The following ACSL5 variants were observed in gnomAD, a reference collection of about 807,000 sequenced individuals.
The protein encoded by ACSL5 is acyl-CoA synthetase long chain family member 5.
Under a neutral mutation model 84.9 loss-of-function variants are expected in ACSL5, and 50 were observed. That is an observed-to-expected ratio of 0.59 (90% CI 0.47 to 0.75). The LOEUF is 0.75. Among genes scored for constraint, ACSL5 ranks in the 30% least tolerant of loss-of-function variants. The pLI, the probability that ACSL5 is intolerant of heterozygous loss-of-function variation, is 0.00. For synonymous variants in ACSL5, 280 were observed against 300.7 expected, an observed-to-expected ratio of 0.93 and a Z score of 0.71; for missense variants, 775 against 830.4, an observed-to-expected ratio of 0.93 and a Z score of 0.82.
At chr10:112,403,692 G>C (rs1051595958) in intron 3 of ACSL5, among the ~76,000 whole-genome samples, 1 of 152,156 alleles carries the variant, frequency 6.6e-6, no homozygotes, top group African/African-American at 2.4e-5. Context: ...TAAGCAGTGT[G>C]GTCTAGGTAT....
intron 6 of ACSL5, 131 bp from the exon 7 acceptor site, chr10:112,409,376 C>G: frequency 2.9e-6 from 2 of 700,384 alleles, no homozygotes; most frequent in Non-Finnish European, 4.8e-6. Flanking sequence ...CATTATAAAT[C>G]TGATTTGCAG....
rs1165869388 is a variant in ACSL5 at position 112,422,376 on chromosome 10, A to G, written c.1528A>G (p.Lys510Glu). The G allele has an allele frequency of 6.2e-7, 1 of 1,614,078 alleles. No individual in the cohort carries two copies. Among genetic ancestry groups the G allele is most frequent in the East Asian group, 2.2e-5 (1 of 44,898 alleles). The stretch of plus-strand genomic sequence containing the variant: ...CAAAGGATACCTGAAGGACCCTGAG[A>G]AGACACAGGAAGCCCTGGACAGTGA... ...VFKGYLKDPE[K>E]TQEALDSDGW... Residue 510 changes from lysine (K) to glutamate (E), a missense_variant, in exon 17 of 21, where the codon AAG becomes GAG. Transcript: ENST00000354655.
intron 1 of ACSL5, among the ~76,000 whole-genome samples, chr10:112,390,772 C>T (rs1306031108): frequency 1.3e-5 from 2 of 152,102 alleles, no homozygotes; most frequent in Non-Finnish European, 2.9e-5. Flanking sequence ...ACTACCCCAT[C>T]AATGAATCTT....
intron 13 of ACSL5, among the ~76,000 whole-genome samples, chr10:112,417,603 A>G (rs1705497595): frequency 1.3e-5 from 2 of 152,220 alleles, no homozygotes. Context: ...GAAGAATACA[A>G]ATTATTTGAG....
chr10:112,412,108 G>T, intron 11 of ACSL5, 129 bp downstream of exon 11: 1 of 938,320 alleles, frequency 1.1e-6, no homozygotes, highest in African/African-American at 1.6e-5. Flanking sequence ...GCAAGGAGTT[G>T]GCTCATGGGA....
intron 1 of ACSL5, among the ~76,000 whole-genome samples, chr10:112,379,656 C>T (rs1182388882): frequency 1.3e-5 from 2 of 152,100 alleles, no homozygotes; most frequent in African/African-American, 2.4e-5. Flanking sequence ...CTTTAAGTAG[C>T]GATTTTCACC....
At chr10:112,390,572 C>T (rs180829101) in intron 1 of ACSL5, among the ~76,000 whole-genome samples, 3 of 152,202 alleles carry the variant, frequency 2.0e-5, no homozygotes, top group Non-Finnish European at 2.9e-5. Context: ...CAAACAAAAA[C>T]TGTATAGAAA....
At position 112,413,297 on chromosome 10, in the gene ACSL5, T is replaced by G; in HGVS notation, c.1073T>G (p.Ile358Ser). ...FPAVPRLLNRIYDKVQNEAKT... is the reference protein window; with the variant it reads ...FPAVPRLLNRSYDKVQNEAKT... Reference sequence around the variant, plus strand: ...GCGGTGCCTCGACTCCTTAACAGGATCTACGATAAGGTACTAACTTTCAGC... The same window carrying G: ...GCGGTGCCTCGACTCCTTAACAGGAGCTACGATAAGGTACTAACTTTCAGC... Residue 358 changes from isoleucine to serine, a missense_variant, in exon 12 of 21, where the codon ATC becomes AGC. By Grantham distance (142) the Ile-to-Ser change is moderately radical. Transcript: ENST00000354655. The G allele has an allele frequency of 1.9e-6, 3 of 1,614,096 alleles. No individual in the cohort carries two copies. The South Asian group carries it at 3.3e-5, about 18-fold the overall frequency.
chr10:112,412,644 G>A (rs1844208578), intron 11 of ACSL5: 1 of 152,732 alleles, frequency 6.5e-6, no homozygotes, highest in African/African-American at 2.4e-5. Flanking sequence ...GCTCATGGTT[G>A]ATGCCTAAAA....
chr10:112,409,436 T>C, intron 6 of ACSL5, 71 bp from the exon 7 acceptor site: 3 of 1,467,668 alleles, frequency 2.0e-6, no homozygotes, highest in Non-Finnish European at 1.9e-6. Flanking sequence ...TTAAAACCTC[T>C]TCCTTCTTGC....
chr10:112,413,172 G>A lies in ACSL5; in HGVS notation c.949-1G>A, dbSNP rs1844225047. The A allele has an allele frequency of 6.2e-7, 1 of 1,613,842 alleles. No individual in the cohort carries two copies. Among genetic ancestry groups the A allele is most frequent in the Admixed American group, 1.7e-5 (1 of 59,984 alleles). On this transcript the variant is annotated splice_acceptor_variant, in intron 11 of 20. Transcript: ENST00000354655. LOFTEE classifies it high-confidence loss of function. ...GCTCTATAATTTGGTTTTGTTTTCAGGCTGTTGTGTACAGCTGTGGAGCCA... is the reference window on the plus strand; with the variant it reads ...GCTCTATAATTTGGTTTTGTTTTCAAGCTGTTGTGTACAGCTGTGGAGCCA...
At chr10:112,376,508 G>C (rs1002145785) in intron 1 of ACSL5, 4 of 1,601,658 alleles carry the variant, frequency 2.5e-6, no homozygotes, top group Admixed American at 3.4e-5. Flanking sequence ...GTGTGACAGA[G>C]GCCAAGGGGG....
rs192147337 is a variant in ACSL5, at chr10:112,392,670, G to A, written c.-29-2248G>A. 6.0e-3 allele frequency among the ~76,000 whole-genome samples: 906 copies of A among 151,972 alleles called. 6 individuals are homozygous for A. The highest frequency in any genetic ancestry group is 0.021 in the African/African-American group (877 of 41,426). ...GCAGGAGAATGGCGTGAACCCGGGA[G>A]GTGGAGCTTGCAGTGAGTCGAGATT... On this transcript the variant is annotated intron_variant, in intron 1 of 20. Transcript: ENST00000354655.
intron 1 of ACSL5, among the ~76,000 whole-genome samples, chr10:112,391,368 C>CAAA (rs35383388): frequency 4.1e-5 from 6 of 146,408 alleles, no homozygotes; most frequent in Non-Finnish European, 7.5e-5. Context: ...GACTGTGCCT[C>CAAA]AAAAAAAAAA....
chr10:112,383,004 C>A (rs536248129), intron 1 of ACSL5, among the ~76,000 whole-genome samples: 3 of 152,206 alleles, frequency 2.0e-5, no homozygotes, highest in Admixed American at 2.0e-4. Context: ...TGCCATGGCT[C>A]ATGCCTGTAA....
intron 11 of ACSL5, 116 bp downstream of exon 11, chr10:112,412,095 C>A: frequency 1.8e-6 from 2 of 1,107,442 alleles, no homozygotes; most frequent in South Asian, 1.3e-5. Context: ...GTGAGAGGTG[C>A]AGGCAAGGAG....
chr10:112,424,310 T>A (rs1012520399), intron 17 of ACSL5: 1 of 152,278 alleles, frequency 6.6e-6, no homozygotes, highest in African/African-American at 2.4e-5. Context: ...GTCTTAACTA[T>A]GTGCTGGGGA....
In ACSL5 at chr10:112,394,849, CAT is replaced by C. The variant is rs773350519; in HGVS notation, c.-29-67_-29-66del. 2.7e-3 allele frequency: 4,243 copies of C among 1,573,326 alleles called. 8 individuals are homozygous for C. Among genetic ancestry groups the C allele is most frequent in the South Asian group, 5.0e-3 (442 of 87,536 alleles). ...GTGTGTGTGTGTGTCCTTCTGAAAA[CAT>C]AGAGCTATTGAGTACAAAAATATGG... On this transcript the variant is annotated intron_variant, in intron 1 of 20. Transcript: ENST00000354655.
intron 3 of ACSL5, among the ~76,000 whole-genome samples, chr10:112,399,700 C>G (rs1843831939): frequency 6.6e-6 from 1 of 152,222 alleles, no homozygotes; most frequent in Non-Finnish European, 1.5e-5. Flanking sequence ...GGCCGTGTAA[C>G]TTTTATCCGT....
Sources: gnomAD v4.1 joint callset for allele counts (sites outside exome capture counted in the v4.1 genomes callset) on GRCh38, gnomAD v4.1.1 for gene constraint, MANE v1.5 for transcripts, NCBI Gene and HGNC (gene_info 2026-07-23, HGNC 2026-07-21) for gene names.